Variants in CPAP observed in about 807,000 individuals in gnomAD.
CPAP encodes the protein centrosomal P4.1-associated protein.
chr13:24,908,077 T>C, the CPAP span: 17 of 1,613,246 alleles, frequency 1.1e-5, no homozygotes, highest in African/African-American at 2.0e-4. Flanking sequence ...TCTTATCATT[T>C]GCTTCCTGAA....
chr13:24,912,235 T>C, the CPAP span, among the ~76,000 whole-genome samples: 256 of 152,304 alleles, frequency 1.7e-3, no homozygotes, highest in African/African-American at 5.9e-3. Flanking sequence ...AAAACTCATA[T>C]CCTTACGAAG....
chr13:24,920,190 T>C, the CPAP span, among the ~76,000 whole-genome samples: 2 of 152,240 alleles, frequency 1.3e-5, no homozygotes, highest in Admixed American at 6.5e-5. Context: ...CCCTGTATAA[T>C]ACACATTGAA....
the CPAP span, among the ~76,000 whole-genome samples, chr13:24,889,788 G>A: frequency 4.6e-5 from 7 of 152,018 alleles, no homozygotes; most frequent in East Asian, 5.8e-4. Context: ...CCAGTTCTCC[G>A]AGACCACCAC....
the CPAP span, chr13:24,899,310 T>C: frequency 2.5e-6 from 2 of 795,782 alleles, no homozygotes; most frequent in African/African-American, 1.7e-5. Context: ...AATGAATGAA[T>C]AATGGATTGA....
the CPAP span, among the ~76,000 whole-genome samples, chr13:24,901,773 C>T: frequency 6.6e-6 from 1 of 152,214 alleles, no homozygotes; most frequent in South Asian, 2.1e-4. Flanking sequence ...AGGGGGATCA[C>T]TTGAGCCCAG....
chr13:24,886,030 A>G, the CPAP span: 1 of 368,174 alleles, frequency 2.7e-6, no homozygotes, highest in Non-Finnish European at 5.1e-6. Flanking sequence ...GTATTTAGTT[A>G]AAACATAAAT....
At chr13:24,901,756 C>T in the CPAP span, among the ~76,000 whole-genome samples, 6 of 152,144 alleles carry the variant, frequency 3.9e-5, no homozygotes, top group East Asian at 1.9e-4. Flanking sequence ...CTTTGGGAGG[C>T]CAAGGCAGGG....
chr13:24,925,540 T>G, the CPAP span, among the ~76,000 whole-genome samples: 5 of 151,594 alleles, frequency 3.3e-5, no homozygotes, highest in Middle Eastern at 3.2e-3. Flanking sequence ...AGCCCAGGAG[T>G]TGAAGGTTAT....
At chr13:24,933,722 C>G in the CPAP span, among the ~76,000 whole-genome samples, 1 of 151,770 alleles carries the variant, frequency 6.6e-6, no homozygotes, top group South Asian at 2.1e-4. Flanking sequence ...TAAGTCTAAC[C>G]TCTTCTTCTT....
chr13:24,883,167 A>G, the CPAP span: 22 of 1,611,482 alleles, frequency 1.4e-5, no homozygotes, highest in African/African-American at 4.0e-5. Context: ...TCATGATCAC[A>G]TGAGGATCGT....
the CPAP span, among the ~76,000 whole-genome samples, chr13:24,894,819 C>G: frequency 5.2e-4 from 79 of 152,052 alleles, no homozygotes; most frequent in African/African-American, 1.8e-3. Context: ...CGCAGCCAGC[C>G]AGCAGAGACC....
chr13:24,925,460 G>A, the CPAP span, among the ~76,000 whole-genome samples: 1 of 152,154 alleles, frequency 6.6e-6, no homozygotes, highest in African/African-American at 2.4e-5. Flanking sequence ...ACGTTTGAAC[G>A]TTAGCCAGGT....
the CPAP span, among the ~76,000 whole-genome samples, chr13:24,918,458 T>C: frequency 1.3e-5 from 2 of 152,218 alleles, no homozygotes; most frequent in East Asian, 3.8e-4. Flanking sequence ...AAAATCTAAG[T>C]GTAACTTTGA....
At chr13:24,927,099 C>T in the CPAP span, among the ~76,000 whole-genome samples, 3 of 152,138 alleles carry the variant, frequency 2.0e-5, no homozygotes, top group Admixed American at 6.6e-5. Context: ...GCAGAGTGCA[C>T]GCCCTCTAAA....
At chr13:24,932,613 G>C in the CPAP span, among the ~76,000 whole-genome samples, 2 of 152,136 alleles carry the variant, frequency 1.3e-5, no homozygotes, top group African/African-American at 4.8e-5. Flanking sequence ...CACATAATGA[G>C]TCTTTTTGAA....
At chr13:24,895,580 G>GA in the CPAP span, among the ~76,000 whole-genome samples, 1 of 151,352 alleles carries the variant, frequency 6.6e-6, no homozygotes, top group South Asian at 2.1e-4. Flanking sequence ...GAAAAGAAAA[G>GA]AAAAAAAGGA....
the CPAP span, among the ~76,000 whole-genome samples, chr13:24,923,170 G>T: frequency 0.043 from 6,477 of 152,152 alleles, 237 homozygotes; most frequent in African/African-American, 0.1. Context: ...CGTGTTCCCA[G>T]CAAAGCAGGG....
At chr13:24,915,704 C>T in the CPAP span, among the ~76,000 whole-genome samples, 1 of 152,074 alleles carries the variant, frequency 6.6e-6, no homozygotes, top group African/African-American at 2.4e-5. Context: ...ACTCAGGAGA[C>T]AGGAGAATTG....
the CPAP span, among the ~76,000 whole-genome samples, chr13:24,932,565 A>G: frequency 6.6e-6 from 1 of 152,240 alleles, no homozygotes; most frequent in African/African-American, 2.4e-5. Context: ...TTTATTACCA[A>G]TTGTTCGGTT....
Sources: gnomAD v4.1 joint callset for allele counts (sites outside exome capture counted in the v4.1 genomes callset) on GRCh38, gnomAD v4.1.1 for gene constraint, MANE v1.5 for transcripts, NCBI Gene and HGNC (gene_info 2026-07-23, HGNC 2026-07-21) for gene names.